The following AGAP1 variants were observed in gnomAD, a reference collection of about 807,000 sequenced individuals.
AGAP1 encodes the protein arf-GAP with GTPase, ANK repeat and PH domain-containing protein 1.
Under a neutral mutation model 105.3 loss-of-function variants are expected in AGAP1, and 29 were observed. The observed-to-expected ratio is 0.28, with a 90% CI of 0.21 to 0.38. The LOEUF (loss-of-function observed/expected upper bound fraction) is 0.38, where lower values mean the gene tolerates loss of function less well. Among genes scored for constraint, AGAP1 ranks in the 10% least tolerant of loss-of-function variants. The probability of loss-of-function intolerance (pLI) is 1.00; values close to 1 mark genes in which losing one functional copy is unlikely to be tolerated. For synonymous variants in AGAP1, 509 were observed against 485.9 expected (o/e 1.05, Z -0.63); for missense variants, 998 against 1,165.1 (o/e 0.86, Z 2.09).
chr2:236,051,742 TG>T lies in AGAP1; in HGVS notation c.2114+2462del, dbSNP rs2057904868. Among the ~76,000 whole-genome samples the T allele has an allele frequency of 6.6e-6, 1 of 152,182 alleles. No individual in the cohort carries two copies. The highest frequency in any genetic ancestry group is 2.1e-4 in the South Asian group (1 of 4,828). ...GAAGGGTTTGTCTATTCATGGGTTCTGTCTGTCCCACCTGTTCCCAAGAGGA... is the reference window on the plus strand; with the variant it reads ...GAAGGGTTTGTCTATTCATGGGTTCTTCTGTCCCACCTGTTCCCAAGAGGA... On this transcript the variant is annotated intron_variant, in intron 16 of 17. Transcript: ENST00000304032. The surrounding 1 kb of genome is among the most constrained non-coding windows in gnomAD (Gnocchi z 5.9).
At position 235,639,281 on chromosome 2, in the gene AGAP1, A is replaced by G. The variant is rs983057814; in HGVS notation, c.164-69898A>G. Among the ~76,000 whole-genome samples the G allele has an allele frequency of 1.3e-5, 2 of 152,146 alleles. No homozygotes were observed. The highest frequency in any genetic ancestry group is 2.9e-5 in the Non-Finnish European group (2 of 68,032). On this transcript the variant is annotated intron_variant, in intron 1 of 17. Coordinates refer to ENST00000304032, the MANE Select transcript of AGAP1 (RefSeq NM_001037131.3). This position sits in a 1 kb window ranked among gnomAD's most constrained non-coding sequence, Gnocchi z 5.3. ...TGTTGGGTGAGTGGTTCTCAAGCTC[A>G]GAGCTGAGCTGGGGGCATCCATTTG... is the stretch of plus-strand genomic sequence containing the variant.
chr2:236,081,377 G>GC (rs1315740483), intron 16 of AGAP1, among the ~76,000 whole-genome samples: 6 of 152,252 alleles, frequency 3.9e-5, no homozygotes, highest in Admixed American at 1.3e-4. Flanking sequence ...GGAGAAAATG[G>GC]CCGGGGTGCG....
intron 1 of AGAP1, among the ~76,000 whole-genome samples, chr2:235,504,030 C>T (rs1026157281): frequency 1.3e-5 from 2 of 152,106 alleles, no homozygotes; most frequent in Non-Finnish European, 2.9e-5. Context: ...CACAGGCACG[C>T]ACCACCATGC....
At chr2:235,894,506 C>T (rs1339611994) in intron 10 of AGAP1, among the ~76,000 whole-genome samples, 1 of 152,096 alleles carries the variant, frequency 6.6e-6, no homozygotes, top group Non-Finnish European at 1.5e-5. Flanking sequence ...TGCCTCTTCC[C>T]AAGATAGGAT....
chr2:235,607,480 A>G (rs2149248024), intron 1 of AGAP1, among the ~76,000 whole-genome samples: 1 of 152,310 alleles, frequency 6.6e-6, no homozygotes, highest in African/African-American at 2.4e-5. Context: ...AGCTGTTCTG[A>G]CTTCAGGCGG....
intron 1 of AGAP1, among the ~76,000 whole-genome samples, chr2:235,704,962 C>CTTTTTTTT (rs796721149): frequency 1.2e-5 from 1 of 86,008 alleles, no homozygotes; most frequent in Non-Finnish European, 2.3e-5. Context: ...ATACAAGATG[C>CTTTTTTTT]TTTTTTCTTT....
rs1342540265 is a variant in AGAP1 at position 235,578,442 on chromosome 2, A to C, written c.163+83593A>C. 6.6e-6 allele frequency among the ~76,000 whole-genome samples: 1 copy of C among 152,232 alleles called. No individual in the cohort carries two copies. The highest frequency in any genetic ancestry group is 2.4e-5 in the African/African-American group (1 of 41,448). ...AATGTACTTAGTGCCACTGAGCTGC[A>C]CACTTAAAAGTGGGTAGAATGATGC... On this transcript the variant is annotated intron_variant, in intron 1 of 17. Coordinates refer to ENST00000304032, the MANE Select transcript of AGAP1 (RefSeq NM_001037131.3). The surrounding 1 kb of genome is among the most constrained non-coding windows in gnomAD (Gnocchi z 4.9).
intron 13 of AGAP1, among the ~76,000 whole-genome samples, chr2:236,026,464 C>T (rs1358476557): frequency 3.3e-5 from 5 of 152,240 alleles, no homozygotes; most frequent in Non-Finnish European, 7.3e-5. Context: ...CACGGTTGCT[C>T]ATGCCTGTAA....
rs2051420761 is a variant in AGAP1 at position 235,908,631 on chromosome 2, G to C, written c.1156-107G>C. ...TTTTAAAGTACTTTCCACAGTGGAAGGGTCATAGGGTTTTAACTCATGACG... is the reference window on the plus strand; with the variant it reads ...TTTTAAAGTACTTTCCACAGTGGAACGGTCATAGGGTTTTAACTCATGACG... On this transcript the variant is annotated intron_variant, in intron 10 of 17. Transcript: ENST00000304032. This position sits in a 1 kb window ranked among gnomAD's most constrained non-coding sequence, Gnocchi z 4.4. 3 of 970,022 alleles carry C rather than the reference G, an allele frequency of 3.1e-6. No homozygotes were observed. Among genetic ancestry groups the C allele is most frequent in the East Asian group, 5.0e-5 (2 of 40,032 alleles). 60.1% of individuals were successfully genotyped at this position (970,022 alleles called of 1,614,324 possible).
intron 2 of AGAP1, among the ~76,000 whole-genome samples, chr2:235,711,796 T>C (rs1950870209): frequency 1.3e-5 from 2 of 152,192 alleles, no homozygotes; most frequent in South Asian, 2.1e-4. Context: ...GGGCTGCAAT[T>C]GTTTCCCTCC....
intron 1 of AGAP1, among the ~76,000 whole-genome samples, chr2:235,590,174 C>A (rs1436619978): frequency 3.9e-5 from 6 of 152,230 alleles, no homozygotes; most frequent in Non-Finnish European, 7.3e-5. Flanking sequence ...AGCCACCGCG[C>A]CCGGCCCTTT....
intron 1 of AGAP1, among the ~76,000 whole-genome samples, chr2:235,651,003 A>G (rs1321102213): frequency 1.3e-5 from 2 of 151,888 alleles, no homozygotes; most frequent in Admixed American, 6.6e-5. Context: ...AACATGGTGA[A>G]ACCCGGTCTC....
chr2:235,663,110 A>T lies in AGAP1; in HGVS notation c.164-46069A>T, dbSNP rs1948015447. Among the ~76,000 whole-genome samples, 1 of 152,138 alleles carries T rather than the reference A, an allele frequency of 6.6e-6. No individual in the cohort carries two copies. ...GAGGCCGAGGCGGGTGGATCATCTG[A>T]GGTCAGCCTGACCAACAAGGTGAAA... is the stretch of plus-strand genomic sequence containing the variant. On this transcript the variant is annotated intron_variant, in intron 1 of 17. Coordinates refer to ENST00000304032, the MANE Select transcript of AGAP1 (RefSeq NM_001037131.3). The surrounding 1 kb of genome is among the most constrained non-coding windows in gnomAD (Gnocchi z 5.4).
chr2:235,617,794 GTATT>G (rs1402241230), intron 1 of AGAP1, among the ~76,000 whole-genome samples: 2 of 152,162 alleles, frequency 1.3e-5, no homozygotes, highest in African/African-American at 4.8e-5. Context: ...GCATACATGA[GTATT>G]TGTTTTTTGT....
intron 9 of AGAP1, among the ~76,000 whole-genome samples, chr2:235,829,779 G>T (rs1406089502): frequency 6.6e-6 from 1 of 152,306 alleles, no homozygotes; most frequent in East Asian, 1.9e-4. Context: ...CTCTGTGCTG[G>T]GCTCTGTGGA....
rs1040410161 is a variant in AGAP1, at chr2:235,864,031, T to C, written c.1051-19314T>C. Among the ~76,000 whole-genome samples the C allele has an allele frequency of 1.6e-4, 24 of 152,234 alleles. No individual in the cohort carries two copies. Among genetic ancestry groups the C allele is most frequent in the African/African-American group, 5.5e-4 (23 of 41,460 alleles). ...ATTTTCCATAGATATAAAAGTCGAC[T>C]TCATAGCTTGCCTGGTGTGCTCGGT... On this transcript the variant is annotated intron_variant, in intron 9 of 17. Transcript: ENST00000304032. This position sits in a 1 kb window ranked among gnomAD's most constrained non-coding sequence, Gnocchi z 5.0.
chr2:235,945,637 T>A (rs191218244), intron 12 of AGAP1, among the ~76,000 whole-genome samples: 1,709 of 152,264 alleles, frequency 0.011, 11 homozygotes, highest in Non-Finnish European at 0.018. Context: ...AGCTTTTTGG[T>A]TTCTAAAAAA....
intron 10 of AGAP1, among the ~76,000 whole-genome samples, chr2:235,902,694 GGTAAAAA>G (rs2051124492): frequency 6.6e-6 from 1 of 152,108 alleles, no homozygotes; most frequent in Non-Finnish European, 1.5e-5. Flanking sequence ...CATTCTTTCA[GGTAAAAA>G]TCTTGTCCCA....
At chr2:235,713,769 A>AAT (rs1950962293) in intron 2 of AGAP1, among the ~76,000 whole-genome samples, 1 of 152,216 alleles carries the variant, frequency 6.6e-6, no homozygotes, top group Non-Finnish European at 1.5e-5. Context: ...AAACAACAGA[A>AAT]ATATATAGCT....
Sources: allele counts gnomAD v4.1 joint callset (sites outside exome capture counted in the v4.1 genomes callset), GRCh38; gene constraint gnomAD v4.1.1; non-coding constraint Gnocchi (gnomAD v3.1); transcripts MANE v1.5; gene names NCBI Gene and HGNC (gene_info 2026-07-23, HGNC 2026-07-21).